Variants in RFC1 observed in about 807,000 individuals in gnomAD.
RFC1 encodes the protein replication factor C subunit 1, also known as A1 140 kDa subunit.
A neutral mutation model predicts 137.4 loss-of-function variants in RFC1; 37 were observed. The ratio of observed to expected loss-of-function variants is 0.27; its 90% CI spans 0.21 to 0.35. The LOEUF (loss-of-function observed/expected upper bound fraction) is 0.35. Ranked by LOEUF, RFC1 falls within the 10% of genes least tolerant of loss-of-function variation. The probability of loss-of-function intolerance (pLI) is 1.00; values close to 1 mark genes in which losing one functional copy is unlikely to be tolerated. For missense variants in RFC1, 1,205 were observed against 1,358.5 expected, an observed-to-expected ratio of 0.89 and a Z score of 1.78; for synonymous variants, 429 against 455.7, an observed-to-expected ratio of 0.94 and a Z score of 0.75.
chr4:39,296,678 G>A (rs1471582800), intron 21 of RFC1, among the ~76,000 whole-genome samples: 1 of 151,362 alleles, frequency 6.6e-6, no homozygotes. Flanking sequence ...TTGGTTCCAA[G>A]TCTTTGCTAT....
chr4:39,321,663 A>G (rs1475440443), intron 7 of RFC1: 3 of 249,104 alleles, frequency 1.2e-5, no homozygotes, highest in South Asian at 1.1e-4. Context: ...TTTCTCCTTC[A>G]TCTCAACTCT....
rs767244404 is a variant in RFC1 at position 39,303,053 on chromosome 4, G to A, written c.2202+7C>T. ...GTGAAACTGCAAAAATACAGCACTT[G>A]AATTACCTGAATTCCTCCCCTATCC... On this transcript the variant is annotated splice_region_variant and intron_variant, in intron 16 of 24. Coordinates refer to ENST00000349703, the MANE Select transcript of RFC1 (RefSeq NM_002913.5). 2.5e-6 allele frequency: 4 copies of A among 1,600,302 alleles called. No individual in the cohort carries two copies. The highest frequency in any genetic ancestry group is 3.4e-6 in the Non-Finnish European group (4 of 1,167,452).
chr4:39,319,412 C>T (rs1328252981), intron 9 of RFC1, among the ~76,000 whole-genome samples: 2 of 152,078 alleles, frequency 1.3e-5, no homozygotes, highest in East Asian at 3.8e-4. Context: ...CCTGTTTCCT[C>T]GTCTTTAAAA....
chr4:39,305,804 AAGAG>A (rs1248645111), intron 14 of RFC1, among the ~76,000 whole-genome samples: 1 of 152,172 alleles, frequency 6.6e-6, no homozygotes, highest in African/African-American at 2.4e-5. Context: ...GATAATAATA[AAGAG>A]AGAAAAAGAG....
At chr4:39,309,175 T>C (rs1220177667) in intron 12 of RFC1, 143 bp from the exon 13 acceptor site, 29 of 786,166 alleles carry the variant, frequency 3.7e-5, no homozygotes, top group Non-Finnish European at 5.3e-5. Flanking sequence ...CAGACTTTCC[T>C]GTTTGTGGAA....
rs1171212743 is a variant in RFC1, at chr4:39,300,352, A to G, written c.2598T>C (p.Leu866=). ...AAGEETAHMS[L]VDKSDLFFHD... ...GAAAAAAGAGATCTGACTTGTCCACAAGTGACATGTGAGCAGTCTCCTCTC... is the reference window on the plus strand; with the variant it reads ...GAAAAAAGAGATCTGACTTGTCCACGAGTGACATGTGAGCAGTCTCCTCTC... The change falls in exon 20 of 25, where the codon CTT becomes CTC. Residue 866 remains leucine, a synonymous_variant. Coordinates refer to ENST00000349703, the MANE Select transcript of RFC1 (RefSeq NM_002913.5). The G allele has an allele frequency of 1.2e-6, 2 of 1,613,942 alleles. No individual in the cohort carries two copies. The highest frequency in any genetic ancestry group is 2.7e-5 in the African/African-American group (2 of 74,918).
chr4:39,364,973 C>T (rs1741948610), intron 1 of RFC1, among the ~76,000 whole-genome samples: 2 of 151,688 alleles, frequency 1.3e-5, no homozygotes, highest in Admixed American at 1.3e-4. Flanking sequence ...TCCAAAATAC[C>T]ACAGTGCTTT....
intron 6 of RFC1, among the ~76,000 whole-genome samples, chr4:39,325,597 G>A (rs1198218462): frequency 2.0e-5 from 3 of 152,036 alleles, no homozygotes; most frequent in Non-Finnish European, 2.9e-5. Flanking sequence ...TACCCAGACT[G>A]GTCTCAAACT....
chr4:39,350,534 G>A (rs776680765), intron 2 of RFC1, among the ~76,000 whole-genome samples: 2 of 152,096 alleles, frequency 1.3e-5, no homozygotes, highest in East Asian at 1.9e-4. Context: ...TCAATGACTG[G>A]AGGCATCTCA....
At position 39,366,347 on chromosome 4, in the gene RFC1, G is replaced by A. The variant is rs1225587793; in HGVS notation, c.-106C>T. On this transcript the variant is annotated 5_prime_UTR_variant, in exon 1 of 25. Transcript: ENST00000349703. ...GCGCCAACAACTTCTCCCGCGAAGT[G>A]CAAGAAGGCGAAGACAGTGGCGCGC... The A allele has an allele frequency of 7.6e-7, 1 of 1,312,516 alleles. No homozygotes were observed. The highest frequency in any genetic ancestry group is 1.0e-6 in the Non-Finnish European group (1 of 997,496). The allele number at this position is 1,312,516 out of a possible 1,614,324, so 81.3% of individuals were successfully genotyped here. A position where few individuals can be genotyped will look rare whatever the true frequency, so the allele number is the denominator to read the frequency against.
intron 4 of RFC1, among the ~76,000 whole-genome samples, chr4:39,337,022 C>G (rs1452132363): frequency 6.6e-6 from 1 of 152,092 alleles, no homozygotes; most frequent in Admixed American, 6.6e-5. Flanking sequence ...ATCCAAAGAT[C>G]TAGATTCTTC....
chr4:39,329,127 CAAAAAAAAAAAAAAAAAAAA>C (rs71594924), intron 4 of RFC1, among the ~76,000 whole-genome samples: 1 of 31,670 alleles, frequency 3.2e-5, no homozygotes, highest in South Asian at 2.8e-3. Flanking sequence ...CAGTGACTCA[CAAAAAAAAAAAAAAAAAAAA>C]AAAAAAGCTT....
chr4:39,327,706 T>C lies in RFC1; in HGVS notation c.382A>G (p.Asn128Asp). The C allele has an allele frequency of 1.2e-6, 2 of 1,612,794 alleles. No individual in the cohort carries two copies. The highest frequency in any genetic ancestry group is 1.7e-6 in the Non-Finnish European group (2 of 1,179,618). The change falls in exon 5 of 25, where the codon AAT becomes GAT. Residue 128 changes from asparagine (N) to aspartate (D), a missense_variant. Transcript: ENST00000349703. ...AGATGACTATTTGTAGATCTTCCATTCTCTTTTGATTTAGAGGCCGCCTTC... is the reference window on the plus strand; with the variant it reads ...AGATGACTATTTGTAGATCTTCCATCCTCTTTTGATTTAGAGGCCGCCTTC... Reference protein sequence around the residue: ...CKKAASKSKENGRSTNSHLGT... With the variant: ...CKKAASKSKEDGRSTNSHLGT...
chr4:39,352,830 T>C (rs1741273865), intron 1 of RFC1, among the ~76,000 whole-genome samples: 1 of 152,200 alleles, frequency 6.6e-6, no homozygotes, highest in Non-Finnish European at 1.5e-5. Context: ...CCTGTATCAT[T>C]TTCCCTCTTC....
chr4:39,295,874 T>A, intron 21 of RFC1, 115 bp from the exon 22 acceptor site: 1 of 887,448 alleles, frequency 1.1e-6, no homozygotes, highest in Non-Finnish European at 1.7e-6. Flanking sequence ...ACCAAATACC[T>A]ACCTACAGGG....
At chr4:39,302,175 C>T in intron 19 of RFC1, 103 bp downstream of exon 19, 1 of 706,280 alleles carries the variant, frequency 1.4e-6, no homozygotes. Context: ...CTGGATTCCA[C>T]AGGCATACCA....
intron 21 of RFC1, among the ~76,000 whole-genome samples, chr4:39,296,386 A>G (rs1160048426): frequency 3.5e-5 from 4 of 115,196 alleles, no homozygotes; most frequent in African/African-American, 6.6e-5. Context: ...ATATCTCCCA[A>G]TGCTATCCCT....
chr4:39,307,913 A>C (rs1342762676), intron 13 of RFC1, among the ~76,000 whole-genome samples: 1 of 152,192 alleles, frequency 6.6e-6, no homozygotes, highest in Non-Finnish European at 1.5e-5. Flanking sequence ...CAATCTAGTC[A>C]TCACTGGTCT....
chr4:39,348,439 GAAAAGAAAA>G (rs779620183), intron 2 of RFC1, among the ~76,000 whole-genome samples: 1 of 107,532 alleles, frequency 9.3e-6, no homozygotes, highest in Admixed American at 9.0e-5. Context: ...GAAAAGAAAA[GAAAAGAAAA>G]GAAAAGAAAA....
Sources: gnomAD v4.1 joint callset for allele counts (sites outside exome capture counted in the v4.1 genomes callset) on GRCh38, gnomAD v4.1.1 for gene constraint, MANE v1.5 for transcripts, NCBI Gene and HGNC (gene_info 2026-07-23, HGNC 2026-07-21) for gene names.